The following ORC2 variants were observed in gnomAD, a reference collection of about 807,000 sequenced individuals.
The protein encoded by ORC2 is origin recognition complex subunit 2.
ORC2 carries 37 observed loss-of-function variants against 77.7 expected under a neutral mutation model. The ratio of observed to expected loss-of-function variants is 0.48; its 90% CI spans 0.37 to 0.63. ORC2 has a LOEUF of 0.63. ORC2 is among the 20% of genes least tolerant of loss of function. The probability of loss-of-function intolerance (pLI) is 0.00; values close to 1 mark genes in which losing one functional copy is unlikely to be tolerated. For synonymous variants in ORC2, 201 were observed against 229.5 expected (o/e 0.88, Z 1.12); for missense variants, 557 against 661.9 (o/e 0.84, Z 1.74).
rs1365519061 is a variant in ORC2, at chr2:200,910,160, G to A, written c.*1141C>T. 2.0e-5 allele frequency: 3 copies of A among 152,184 alleles called. No homozygotes were observed. Among genetic ancestry groups the A allele is most frequent in the Non-Finnish European group, 4.4e-5 (3 of 68,046 alleles). The allele number at this position is 152,184 out of a possible 1,614,324, so 9.4% of individuals were successfully genotyped here. On this transcript the variant is annotated 3_prime_UTR_variant, in exon 18 of 18. Coordinates refer to ENST00000234296, the MANE Select transcript of ORC2 (RefSeq NM_006190.5). ...AAGAGGTTTACAAGATAAGAAATGA[G>A]TGAGAAATGCTGACGTAGTACGTAT... is the stretch of plus-strand genomic sequence containing the variant.
At position 200,926,057 on chromosome 2, in the gene ORC2, CT is replaced by C. The variant is rs944308691; in HGVS notation, c.1051-126del. On this transcript the variant is annotated intron_variant, in intron 12 of 17. Transcript: ENST00000234296. ...GATTTCCCAAAAGTTTAAAAAATAACTTTTAAAAATTCTACTGGTACTTGAG... is the reference window on the plus strand; with the variant it reads ...GATTTCCCAAAAGTTTAAAAAATAACTTTAAAAATTCTACTGGTACTTGAG... 9.8e-6 allele frequency: 4 copies of C among 407,294 alleles called. No individual in the cohort carries two copies. In the East Asian group the frequency reaches 1.2e-4, roughly 12 times the overall value. 25.2% of individuals were successfully genotyped at this position (407,294 alleles called of 1,614,324 possible).
At chr2:200,915,384 TA>T (rs2040628368) in intron 15 of ORC2, among the ~76,000 whole-genome samples, 1 of 152,194 alleles carries the variant, frequency 6.6e-6, no homozygotes, top group Admixed American at 6.5e-5. Flanking sequence ...CCATGTACCA[TA>T]AACTTACCAT....
rs753267047 is a variant in ORC2, at chr2:200,935,708, T to C, written c.699A>G (p.Arg233=). 1 of 1,601,376 alleles carries C rather than the reference T, an allele frequency of 6.2e-7. No homozygotes were observed. Among genetic ancestry groups the C allele is most frequent in the Admixed American group, 1.8e-5 (1 of 56,852 alleles). ...GKETPSKRMK[R]DKTSDLVEEY... is the part of the protein sequence containing the mutation. Reference sequence around the variant, plus strand: ...CTCTCTCTTCACTTACTGTTTTATCTCTTTTCATTCTCTTAGAAGGTGTTT... The same window carrying C: ...CTCTCTCTTCACTTACTGTTTTATCCCTTTTCATTCTCTTAGAAGGTGTTT... The change falls in exon 9 of 18, where the codon AGA becomes AGG. Residue 233 remains arginine, a synonymous_variant. Transcript: ENST00000234296.
rs1309138462 is a variant in ORC2, at chr2:200,909,856, G to A, written c.*1445C>T. ...AGCTCACTGTAATCTTGAACCCCTG[G>A]GCTCAAGCGATCCTCCTGCCTCAGC... is the stretch of plus-strand genomic sequence containing the variant. On this transcript the variant is annotated 3_prime_UTR_variant, in exon 18 of 18. Transcript: ENST00000234296. 6.6e-6 allele frequency: 1 copy of A among 151,082 alleles called. No homozygotes were observed. The highest frequency in any genetic ancestry group is 2.4e-5 in the African/African-American group (1 of 41,136). The allele number at this position is 151,082 out of a possible 1,614,324, so 9.4% of individuals were successfully genotyped here. A position where few individuals can be genotyped will look rare whatever the true frequency, so the allele number is the denominator to read the frequency against.
At chr2:200,946,989 A>G (rs1190585516) in intron 5 of ORC2, among the ~76,000 whole-genome samples, 2 of 152,100 alleles carry the variant, frequency 1.3e-5, no homozygotes, top group African/African-American at 4.8e-5. Flanking sequence ...TGCAACCTCC[A>G]CGTTCTGGGT....
intron 7 of ORC2, among the ~76,000 whole-genome samples, chr2:200,939,870 G>A (rs1027781486): frequency 2.0e-5 from 3 of 152,102 alleles, no homozygotes; most frequent in African/African-American, 7.2e-5. Context: ...TTAGATTATG[G>A]CAATGAGTTT....
At chr2:200,954,900 GAATGAATAAATAAATA>G (rs1254845167) in intron 4 of ORC2, among the ~76,000 whole-genome samples, 1 of 138,306 alleles carries the variant, frequency 7.2e-6, no homozygotes, top group Non-Finnish European at 1.6e-5. Context: ...ATGAATGAAT[GAATGAATAAATAAATA>G]AATAAATAAA....
chr2:200,914,070 A>G, intron 15 of ORC2, 78 bp from the exon 16 acceptor site: 1 of 887,938 alleles, frequency 1.1e-6, no homozygotes, highest in Non-Finnish European at 1.8e-6. Context: ...AAAATACACA[A>G]AGAAAATGTC....
At chr2:200,949,462 G>C (rs530008914) in intron 5 of ORC2, 92 bp downstream of exon 5, 2 of 689,014 alleles carry the variant, frequency 2.9e-6, no homozygotes, top group East Asian at 5.5e-5. Flanking sequence ...ATTCTTTTAG[G>C]AAATGTAGTG....
At chr2:200,911,706 C>G (rs969362949) in intron 17 of ORC2, among the ~76,000 whole-genome samples, 1 of 152,106 alleles carries the variant, frequency 6.6e-6, no homozygotes, top group Non-Finnish European at 1.5e-5. Flanking sequence ...TTTCTTCCTC[C>G]TTTCAACAAG....
At chr2:200,930,247 C>CA (rs1424878822) in intron 11 of ORC2, among the ~76,000 whole-genome samples, 7 of 152,192 alleles carry the variant, frequency 4.6e-5, no homozygotes, top group Middle Eastern at 3.4e-3. Flanking sequence ...TAGAGATTAC[C>CA]AAGGTCAAAG....
chr2:200,950,600 C>A (rs1215369677), intron 4 of ORC2, among the ~76,000 whole-genome samples: 1 of 152,274 alleles, frequency 6.6e-6, no homozygotes, highest in Non-Finnish European at 1.5e-5. Flanking sequence ...TAACAAGTTA[C>A]CATATTGACT....
intron 5 of ORC2, among the ~76,000 whole-genome samples, 175 bp downstream of exon 5, chr2:200,949,379 A>C (rs1363474114): frequency 6.6e-6 from 1 of 152,172 alleles, no homozygotes; most frequent in Non-Finnish European, 1.5e-5. Flanking sequence ...AAATGAACTT[A>C]ATTGTGCTTA....
At chr2:200,942,843 T>C in intron 5 of ORC2, 66 bp from the exon 6 acceptor site, 1 of 876,204 alleles carries the variant, frequency 1.1e-6, no homozygotes, top group Non-Finnish European at 1.7e-6. Flanking sequence ...GAAATAACCT[T>C]ATTACGCTTA....
At chr2:200,941,143 C>T (rs992653856) in intron 7 of ORC2, 105 bp downstream of exon 7, 1 of 837,572 alleles carries the variant, frequency 1.2e-6, no homozygotes, top group Non-Finnish European at 1.9e-6. Flanking sequence ...AATTACAAAG[C>T]ACTATATAAA....
intron 4 of ORC2, among the ~76,000 whole-genome samples, chr2:200,951,117 C>G (rs2041347565): frequency 6.6e-6 from 1 of 152,148 alleles, no homozygotes; most frequent in Non-Finnish European, 1.5e-5. Flanking sequence ...TGGAATCATA[C>G]AGTATGTAGC....
chr2:200,945,761 T>A (rs1036422796), intron 5 of ORC2, among the ~76,000 whole-genome samples: 18 of 152,312 alleles, frequency 1.2e-4, no homozygotes, highest in African/African-American at 4.3e-4. Flanking sequence ...TTTAAAAAGA[T>A]ACTTATTTTC....
At chr2:200,915,185 G>T (rs1436216265) in intron 15 of ORC2, among the ~76,000 whole-genome samples, 1 of 151,116 alleles carries the variant, frequency 6.6e-6, no homozygotes, top group Non-Finnish European at 1.5e-5. Flanking sequence ...AGCTAATTTT[G>T]TATTTTTAGT....
In ORC2 at chr2:200,934,492, T is replaced by TG. The variant is rs755007856; in HGVS notation, c.709-519dup. On this transcript the variant is annotated intron_variant, in intron 9 of 17. Transcript: ENST00000234296. Reference sequence around the variant, plus strand: ...ACTACACCTGACTAATTTTTTAAATTGTTTTTTTTTTTTTTTTGCAGAGAC... The same window carrying TG: ...ACTACACCTGACTAATTTTTTAAATTGGTTTTTTTTTTTTTTTTGCAGAGAC... Among the ~76,000 whole-genome samples the TG allele has an allele frequency of 2.0e-3, 297 of 148,442 alleles. 2 individuals are homozygous for TG. The highest frequency in any genetic ancestry group is 5.0e-3 in the African/African-American group (200 of 39,974).
Sources: allele counts gnomAD v4.1 joint callset (sites outside exome capture counted in the v4.1 genomes callset), GRCh38; gene constraint gnomAD v4.1.1; transcripts MANE v1.5; gene names NCBI Gene and HGNC (gene_info 2026-07-23, HGNC 2026-07-21).